DNAI1: variants seen among roughly 807,000 people sequenced by gnomAD.
DNAI1 encodes the protein dynein axonemal intermediate chain 1.
In DNAI1, 67 loss-of-function variants were observed where a neutral mutation model predicts 92.0. The observed-to-expected ratio is 0.73, with a 90% CI of 0.60 to 0.89. The LOEUF (loss-of-function observed/expected upper bound fraction) is 0.89. DNAI1 is among the 40% of genes least tolerant of loss of function. The pLI is 0.00. For missense variants in DNAI1, 839 were observed against 866.6 expected (o/e 0.97, Z 0.40); for synonymous variants, 323 against 319.6 (o/e 1.01, Z -0.11).
chr9:34,481,237 TG>T (rs1824348105), intron 1 of DNAI1, among the ~76,000 whole-genome samples: 1 of 152,266 alleles, frequency 6.6e-6, no homozygotes, highest in Non-Finnish European at 1.5e-5. Context: ...AGTGAAACTC[TG>T]TCTCAAAATA....
Position 34,497,779 on chromosome 9 carries a change from A to G in DNAI1, c.901+580A>G, listed in dbSNP as rs142755028. The stretch of plus-strand genomic sequence containing the variant: ...CCAAGGGAGAAGCAGAGTGTGTGAG[A>G]GAAGATAGCTACAGGGAGGATGTTC... On this transcript the variant is annotated intron_variant, in intron 10 of 19. Transcript: ENST00000242317. Among the ~76,000 whole-genome samples, 837 of 152,284 alleles carry G rather than the reference A, an allele frequency of 5.5e-3. 3 individuals carry two copies. The highest frequency in any genetic ancestry group is 0.031 in the Middle Eastern group (9 of 294).
chr9:34,466,948 C>G (rs1021894459), intron 1 of DNAI1, among the ~76,000 whole-genome samples: 2 of 152,184 alleles, frequency 1.3e-5, no homozygotes, highest in African/African-American at 4.8e-5. Context: ...AGTCCTAGTT[C>G]AAATTCTTAA....
At chr9:34,486,304 G>T (rs1017695605) in intron 4 of DNAI1, among the ~76,000 whole-genome samples, 2 of 151,706 alleles carry the variant, frequency 1.3e-5, no homozygotes, top group African/African-American at 4.8e-5. Flanking sequence ...CCTTTCTTTG[G>T]TACAGGGACT....
At chr9:34,503,223 C>T (rs1824867000) in intron 12 of DNAI1, among the ~76,000 whole-genome samples, 1 of 152,186 alleles carries the variant, frequency 6.6e-6, no homozygotes, top group Non-Finnish European at 1.5e-5. Context: ...TGAATAGAAC[C>T]AGGCTGGCTG....
At position 34,493,218 on chromosome 9, in the gene DNAI1, G is replaced by A. The variant is rs201119185; in HGVS notation, c.706G>A (p.Glu236Lys). 2.5e-5 allele frequency: 41 copies of A among 1,614,192 alleles called. No homozygotes were observed. The highest frequency in any genetic ancestry group is 6.7e-5 in the Admixed American group (4 of 60,026). Residue 236 changes from glutamate (E) to lysine (K), a missense_variant, in exon 9 of 20, where the codon GAG becomes AAG. Physicochemically the swap from Glu to Lys is moderately conservative, Grantham distance 56. Coordinates refer to ENST00000242317, the MANE Select transcript of DNAI1 (RefSeq NM_012144.4). ...NQWEIYDAYV[E>K]ELEKQEKTKE... ...GTGGGAGATCTATGATGCCTATGTA[G>A]AGGAACTTGAGAAGCAGGAAAAGAC... is the stretch of plus-strand genomic sequence containing the variant.
chr9:34,488,963 C>CT (rs758633718), intron 4 of DNAI1, among the ~76,000 whole-genome samples: 2 of 152,158 alleles, frequency 1.3e-5, no homozygotes, highest in Admixed American at 6.5e-5. Context: ...TTTGATGACT[C>CT]TATCTGCCCA....
chr9:34,520,349 G>A (rs554316739), intron 19 of DNAI1, among the ~76,000 whole-genome samples: 209 of 152,294 alleles, frequency 1.4e-3, no homozygotes, highest in Admixed American at 5.8e-3. Flanking sequence ...CCCTGGCCTG[G>A]AAGGTTGTTC....
In DNAI1 at chr9:34,492,493, G is replaced by GAGAGAGATATATATAT. The variant is rs1271867592; in HGVS notation, c.682-700_682-699insGAGAGATATATATATA. Among the ~76,000 whole-genome samples the GAGAGAGATATATATAT allele has an allele frequency of 4.4e-5, 3 of 68,258 alleles. No individual in the cohort carries two copies. The South Asian group carries it at 1.4e-3, about 31-fold the overall frequency. 44.8% of individuals were successfully genotyped at this position (68,258 alleles called of 152,430 possible). On this transcript the variant is annotated intron_variant, in intron 8 of 19. Transcript: ENST00000242317. Reference sequence around the variant, plus strand: ...TCCGGGGTGGGGGTGGGGATATGAAGATATATATATATATATATATATATA... The same window carrying GAGAGAGATATATATAT: ...TCCGGGGTGGGGGTGGGGATATGAAGAGAGAGATATATATATATATATATATATATATATATATATA...
chr9:34,515,528 T>G (rs553514157), intron 18 of DNAI1, among the ~76,000 whole-genome samples: 1 of 152,334 alleles, frequency 6.6e-6, no homozygotes, highest in African/African-American at 2.4e-5. Flanking sequence ...GACTGTGATA[T>G]GTAAACATAA....
intron 1 of DNAI1, among the ~76,000 whole-genome samples, chr9:34,469,635 T>C (rs900540071): frequency 6.6e-6 from 1 of 152,124 alleles, no homozygotes; most frequent in South Asian, 2.1e-4. Flanking sequence ...TGGAGTGTAA[T>C]GGTGTGATCT....
chr9:34,490,212 A>G, intron 6 of DNAI1, 88 bp downstream of exon 6: 1 of 1,611,292 alleles, frequency 6.2e-7, no homozygotes, highest in Non-Finnish European at 8.5e-7. Flanking sequence ...AGGAGGAGGG[A>G]GACCTAAGGT....
intron 19 of DNAI1, 150 bp from the exon 20 acceptor site, chr9:34,520,508 T>G: frequency 1.3e-6 from 1 of 743,770 alleles, no homozygotes; most frequent in Non-Finnish European, 2.4e-6. Context: ...GGAATGATCG[T>G]GTCAGGGAGA....
At chr9:34,469,600 CAG>C (rs766165773) in intron 1 of DNAI1, among the ~76,000 whole-genome samples, 2 of 151,928 alleles carry the variant, frequency 1.3e-5, no homozygotes, top group African/African-American at 4.8e-5. Flanking sequence ...TTGTTTGAGA[CAG>C]AGTCTTACTC....
chr9:34,479,299 A>G (rs1241212790), intron 1 of DNAI1, among the ~76,000 whole-genome samples: 1 of 152,134 alleles, frequency 6.6e-6, no homozygotes, highest in Non-Finnish European at 1.5e-5. Context: ...TCTAGGAGGA[A>G]CCATCAAAGG....
intron 4 of DNAI1, chr9:34,488,209 A>T (rs1213295288): frequency 2.9e-5 from 6 of 207,102 alleles, no homozygotes; most frequent in Non-Finnish European, 6.1e-5. Flanking sequence ...CTTCTTTTAT[A>T]GATGAAGAAC....
chr9:34,513,634 G>GT (rs1181227493), intron 16 of DNAI1, among the ~76,000 whole-genome samples: 2 of 152,286 alleles, frequency 1.3e-5, no homozygotes, highest in East Asian at 3.9e-4. Flanking sequence ...GTAGGTGAAC[G>GT]TCCTTCTGAA....
chr9:34,491,892 T>C (rs1040602713), intron 8 of DNAI1, among the ~76,000 whole-genome samples: 1 of 152,238 alleles, frequency 6.6e-6, no homozygotes, highest in South Asian at 2.1e-4. Context: ...CCTGTGACTC[T>C]GTGACTGACT....
intron 8 of DNAI1, among the ~76,000 whole-genome samples, chr9:34,491,994 A>G (rs148779197): frequency 1.1e-4 from 17 of 151,858 alleles, no homozygotes; most frequent in African/African-American, 4.1e-4. Context: ...CTGGATGGCC[A>G]CACTTATTTG....
Position 34,469,116 on chromosome 9 carries a change from A to G in DNAI1, c.48+10063A>G, listed in dbSNP as rs371748993. 3.0e-4 allele frequency among the ~76,000 whole-genome samples: 46 copies of G among 152,334 alleles called. No homozygotes were observed. The East Asian group carries it at 4.8e-3, about 16-fold the overall frequency. ...ATAAAACCACATCTAGGTCTTTTATAGTCAAACTACTGAAAACCAAAGATA... is the reference window on the plus strand; with the variant it reads ...ATAAAACCACATCTAGGTCTTTTATGGTCAAACTACTGAAAACCAAAGATA... On this transcript the variant is annotated intron_variant, in intron 1 of 19. Coordinates refer to ENST00000242317, the MANE Select transcript of DNAI1 (RefSeq NM_012144.4).
Sources: allele counts gnomAD v4.1 joint callset (sites outside exome capture counted in the v4.1 genomes callset), GRCh38; gene constraint gnomAD v4.1.1; transcripts MANE v1.5; gene names NCBI Gene and HGNC (gene_info 2026-07-23, HGNC 2026-07-21).